The following TTN variants were observed in gnomAD, a reference collection of about 807,000 sequenced individuals.
TTN encodes the protein connectin.
Under a neutral mutation model 3,223.0 loss-of-function variants are expected in TTN, and 1,525 were observed. That is an observed-to-expected ratio of 0.47 (90% CI 0.45 to 0.49). The LOEUF is 0.49. Ranked by LOEUF, TTN falls within the 20% of genes least tolerant of loss-of-function variation. The probability of loss-of-function intolerance (pLI) is 0.00; values close to 1 mark genes in which losing one functional copy is unlikely to be tolerated. For missense variants in TTN, 40,786 were observed against 43,424.0 expected, an observed-to-expected ratio of 0.94 and a Z score of 5.40; for synonymous variants, 14,094 against 15,161.0, an observed-to-expected ratio of 0.93 and a Z score of 5.17.
In TTN at chr2:178,649,805, T is replaced by C; in HGVS notation, c.39895+12A>G. ...CACCACAAAAATGAAGTATTCATTT[T>C]AACATGAGTACCTTTAGGAGGCGGT... On this transcript the variant is annotated intron_variant, in intron 211 of 362. Coordinates refer to ENST00000589042, the MANE Select transcript of TTN (RefSeq NM_001267550.2). The C allele has an allele frequency of 1.2e-6, 2 of 1,609,112 alleles. No homozygotes were observed. Among genetic ancestry groups the C allele is most frequent in the Non-Finnish European group, 1.7e-6 (2 of 1,178,400 alleles).
At position 178,605,056 on chromosome 2, in the gene TTN, CT is replaced by C; in HGVS notation, c.54120del (p.Gly18041AlafsTer44). 1 of 1,612,342 alleles carries C rather than the reference CT, an allele frequency of 6.2e-7. No homozygotes were observed. Among genetic ancestry groups the C allele is most frequent in the Non-Finnish European group, 8.5e-7 (1 of 1,178,926 alleles). On this transcript the variant is annotated frameshift_variant, in exon 280 of 363. Transcript: ENST00000589042. LOFTEE classifies it high-confidence loss of function. ...TTGGAAGCAGTAACTGTGTAAGTGCCTTTGTCCTCCCGGACCGCTTTGGGAA... is the reference window on the plus strand; with the variant it reads ...TTGGAAGCAGTAACTGTGTAAGTGCCTTGTCCTCCCGGACCGCTTTGGGAA... ...LSIPKAVRED[K>X]GTYTVTASNR... is the part of the protein sequence containing the mutation.
At position 178,532,357 on chromosome 2, in the gene TTN, G is replaced by GC; in HGVS notation, c.104257dup (p.Ala34753GlyfsTer15). ...CCGTTGCTTTGGCTGTCTGTACGCAGCCTGGGCATGCCGTTCCCTCAGTTC... is the reference window on the plus strand; with the variant it reads ...CCGTTGCTTTGGCTGTCTGTACGCAGCCCTGGGCATGCCGTTCCCTCAGTTC... On this transcript the variant is annotated frameshift_variant, in exon 358 of 363. Transcript: ENST00000589042. LOFTEE classifies it high-confidence loss of function. 1 of 1,613,996 alleles carries GC rather than the reference G, an allele frequency of 6.2e-7. No individual in the cohort carries two copies. Among genetic ancestry groups the GC allele is most frequent in the Non-Finnish European group, 8.5e-7 (1 of 1,179,880 alleles).
intron 348 of TTN, 31 bp downstream of exon 348, chr2:178,542,631 A>G (rs774060397): frequency 1.2e-5 from 19 of 1,600,802 alleles, no homozygotes; most frequent in Admixed American, 8.4e-5. Context: ...CTGAACATCA[A>G]CTTGCTTGTA....
chr2:178,802,074 T>C, intron 3 of TTN, 64 bp downstream of exon 3: 1 of 1,605,552 alleles, frequency 6.2e-7, no homozygotes, highest in South Asian at 1.1e-5. Context: ...TCTGGACTCC[T>C]TTCCCAATTT....
Position 178,629,441 on chromosome 2 carries a change from G to C in TTN, c.44284C>G (p.Arg14762Gly), listed in dbSNP as rs770767998. The change falls in exon 240 of 363, where the codon CGA (arginine) becomes GGA (glycine). Residue 14762 changes from arginine (R) to glycine (G), a missense_variant and splice_region_variant. By Grantham distance (125) the Arg-to-Gly change is moderately radical. Transcript: ENST00000589042. ...KSSAHLRVKP[R>G]VIGLLRPLKD... ...AAAGGCCTCAGAAGACCAATTACTC[G>C]TGCTTTTCGAGAGGGAAGAAACAGC... is the stretch of plus-strand genomic sequence containing the variant. 1 of 1,612,580 alleles carries C rather than the reference G, an allele frequency of 6.2e-7. No individual in the cohort carries two copies. Among genetic ancestry groups the C allele is most frequent in the Non-Finnish European group, 8.5e-7 (1 of 1,179,184 alleles).
At chr2:178,528,241 A>AC in intron 361 of TTN, 33 bp downstream of exon 361, 1 of 1,600,312 alleles carries the variant, frequency 6.2e-7, no homozygotes, top group South Asian at 1.1e-5. Flanking sequence ...AAGGCCTTAA[A>AC]CATGTAAGGA....
rs878854336 is a variant in TTN, at chr2:178,564,072, C to T, written c.82060G>A (p.Val27354Ile). ...GGQYILKLSN[V>I]GGTKSIPITV... ...ATGGGTATAGACTTTGTACCACCAA[C>T]ATTGCTGAGTTTCAGAATATATTGT... The change falls in exon 326 of 363, where the codon GTT becomes ATT. Residue 27354 changes from valine (V) to isoleucine (I), a missense_variant. Transcript: ENST00000589042. 11 of 1,613,802 alleles carry T rather than the reference C, an allele frequency of 6.8e-6. 1 individual carries two copies. The Admixed American group carries it at 1.5e-4, about 22-fold the overall frequency.
rs1346587233 is a variant in TTN at position 178,800,555 on chromosome 2, T to C, written c.423A>G (p.Gly141=). Residue 141 remains glycine, a synonymous_variant, in exon 4 of 363, where the codon GGA becomes GGG. Coordinates refer to ENST00000589042, the MANE Select transcript of TTN (RefSeq NM_001267550.2). The stretch of plus-strand genomic sequence containing the variant: ...AATCAAGGGAGCTCTGGATTTCGGC[T>C]CCATCCCGGTAGAACTTCACCACAG... ...PTPVVKFYRD[G]AEIQSSLDFQ... The C allele has an allele frequency of 6.2e-7, 1 of 1,614,136 alleles. No homozygotes were observed. The highest frequency in any genetic ancestry group is 8.5e-7 in the Non-Finnish European group (1 of 1,180,000).
At chr2:178,660,622 G>A (rs1399053168) in intron 180 of TTN, among the ~76,000 whole-genome samples, 1 of 150,182 alleles carries the variant, frequency 6.7e-6, no homozygotes, top group African/African-American at 2.4e-5. Context: ...GCATGGGCAA[G>A]GACTTCATGT....
Position 178,649,270 on chromosome 2 carries a change from T to C in TTN, c.40035A>G (p.Lys13345=), listed in dbSNP as rs1030376391. 2.0e-6 allele frequency: 3 copies of C among 1,499,874 alleles called. No homozygotes were observed. The highest frequency in any genetic ancestry group is 2.7e-6 in the Non-Finnish European group (3 of 1,130,108). The allele number at this position is 1,499,874 out of a possible 1,614,324, so 92.9% of individuals were successfully genotyped here. ...TACCTTTTTCTGGAAGAACTTCTGG[T>C]TTTTTGGTAACAGGCACAGGTTCTT... is the stretch of plus-strand genomic sequence containing the variant. ...VKKEPVPVTK[K]PEVLPEKVPK... is the part of the protein sequence containing the mutation. The change falls in exon 213 of 363, where the codon AAA becomes AAG. Residue 13345 remains lysine (K), a synonymous_variant. Coordinates refer to ENST00000589042, the MANE Select transcript of TTN (RefSeq NM_001267550.2).
chr2:178,719,316 A>T lies in TTN; in HGVS notation c.24074T>A (p.Ile8025Asn). 1 of 1,613,658 alleles carries T rather than the reference A, an allele frequency of 6.2e-7. No individual in the cohort carries two copies. The change falls in exon 83 of 363, where the codon ATT (isoleucine) becomes AAT (asparagine). Residue 8025 changes from isoleucine (I) to asparagine (N), a missense_variant. By Grantham distance (149) the Ile-to-Asn change is moderately radical. Transcript: ENST00000589042. ...GGACTGACATTTGGGCCCACTAACA[A>T]TCTCATTTCCATCCTGAAACCAGCC... The part of the protein sequence containing the change: ...SVGWFQDGNE[I>N]VSGPKCQSSF...
At chr2:178,638,559 T>G (rs934792576) in intron 223 of TTN, among the ~76,000 whole-genome samples, 2 of 150,894 alleles carry the variant, frequency 1.3e-5, no homozygotes, top group African/African-American at 4.8e-5. Flanking sequence ...TAGTTCTCTT[T>G]TTTTTTTTTT....
chr2:178,591,631 G>T lies in TTN; in HGVS notation c.60188C>A (p.Thr20063Lys). The change falls in exon 303 of 363, where the codon ACA becomes AAA. Residue 20063 changes from threonine to lysine, a missense_variant. Transcript: ENST00000589042. ...TTCTTGACATTCTATCGGGATAGTT[G>T]TGTCAGGGAGACCAAGACCCACAAT... ...ENIVGLGLPD[T>K]TIPIECQEKL... The T allele has an allele frequency of 2.5e-6, 4 of 1,613,386 alleles. No homozygotes were observed. Among genetic ancestry groups the T allele is most frequent in the Non-Finnish European group, 3.4e-6 (4 of 1,179,542 alleles).
intron 43 of TTN, among the ~76,000 whole-genome samples, chr2:178,763,632 G>A (rs542576894): frequency 6.6e-6 from 1 of 152,236 alleles, no homozygotes; most frequent in South Asian, 2.1e-4. Context: ...ATTCATGACA[G>A]AAGGAGAACG....
chr2:178,729,135 G>A lies in TTN; in HGVS notation c.18903C>T (p.Thr6301=), dbSNP rs72648950. 0.013 allele frequency: 20,116 copies of A among 1,597,376 alleles called. 909 individuals carry two copies. In the Admixed American group the frequency reaches 0.16, roughly 13 times the overall value. ...TGGCAGAACTTTTCAAAACAGTAGT[G>A]GTATTTTCTATCTTCTTAATGAATG... ...PPSFIKKIEN[T]TTVLKSSATF... Residue 6301 remains threonine (T), a synonymous_variant, in exon 65 of 363, where the codon ACC becomes ACT. Transcript: ENST00000589042.
rs1029051488 is a variant in TTN at position 178,734,961 on chromosome 2, T to C, written c.14963A>G (p.Asp4988Gly). Residue 4988 changes from aspartate to glycine, a missense_variant, in exon 51 of 363, where the codon GAT becomes GGT. Coordinates refer to ENST00000589042, the MANE Select transcript of TTN (RefSeq NM_001267550.2). Reference protein sequence around the residue: ...REPPSFVKKVDPSYLMLPGES... With the variant: ...REPPSFVKKVGPSYLMLPGES... Reference sequence around the variant, plus strand: ...ACCTGGGAGCATTAAATAAGAGGGATCCACCTTCTTCACGAAGGATGGTGG... The same window carrying C: ...ACCTGGGAGCATTAAATAAGAGGGACCCACCTTCTTCACGAAGGATGGTGG... The C allele has an allele frequency of 5.6e-6, 9 of 1,593,830 alleles. No homozygotes were observed. Among genetic ancestry groups the C allele is most frequent in the Non-Finnish European group, 6.8e-6 (8 of 1,168,044 alleles).
chr2:178,595,472 A>G (rs1216955754), intron 295 of TTN, 35 bp downstream of exon 295: 1 of 1,531,476 alleles, frequency 6.5e-7, no homozygotes, highest in South Asian at 1.2e-5. Flanking sequence ...TGAGTAAAGA[A>G]GTGATTAAGT....
Position 178,654,204 on chromosome 2 carries a change from A to G in TTN, c.38380+4T>C. On this transcript the variant is annotated splice_donor_region_variant and intron_variant, in intron 193 of 362. Coordinates refer to ENST00000589042, the MANE Select transcript of TTN (RefSeq NM_001267550.2). ...ATTCTTAGCAGAGGAGAGGGAATAA[A>G]TACCTTTTGCACGTGGGGCTTCCGG... 1 of 1,594,946 alleles carries G rather than the reference A, an allele frequency of 6.3e-7. No homozygotes were observed. Among genetic ancestry groups the G allele is most frequent in the Non-Finnish European group, 8.5e-7 (1 of 1,177,886 alleles).
intron 224 of TTN, among the ~76,000 whole-genome samples, 157 bp downstream of exon 224, chr2:178,637,212 T>C (rs1417382765): frequency 7.6e-6 from 1 of 130,814 alleles, no homozygotes; most frequent in East Asian, 2.4e-4. Context: ...ATACTAAAAG[T>C]ATTATTTGAA....
Sources: allele counts gnomAD v4.1 joint callset (sites outside exome capture counted in the v4.1 genomes callset), GRCh38; gene constraint gnomAD v4.1.1; transcripts MANE v1.5; gene names NCBI Gene and HGNC (gene_info 2026-07-23, HGNC 2026-07-21).